Variants in GRM7 observed in about 807,000 individuals in gnomAD.
The protein encoded by GRM7 is metabotropic glutamate receptor 7.
A neutral mutation model predicts 84.5 loss-of-function variants in GRM7; 35 were observed. The ratio of observed to expected loss-of-function variants is 0.41; its 90% CI spans 0.32 to 0.55. GRM7 has a LOEUF of 0.55. Ranked by LOEUF, GRM7 falls within the 20% of genes least tolerant of loss-of-function variation. The probability of loss-of-function intolerance (pLI) is 0.19; values close to 1 mark genes in which losing one functional copy is unlikely to be tolerated. For missense variants in GRM7, 1,003 were observed against 1,194.6 expected (o/e 0.84, Z 2.36); for synonymous variants, 487 against 455.1 (o/e 1.07, Z -0.89).
chr3:6,971,918 A>G (rs1693774133), intron 1 of GRM7, among the ~76,000 whole-genome samples: 1 of 152,200 alleles, frequency 6.6e-6, no homozygotes, highest in South Asian at 2.1e-4. Flanking sequence ...TTAAAAGGTA[A>G]TATTTATTGC....
chr3:7,410,309 G>A lies in GRM7; in HGVS notation c.1034-4714G>A, dbSNP rs182402517. On this transcript the variant is annotated intron_variant, in intron 4 of 9. Coordinates refer to ENST00000357716, the MANE Select transcript of GRM7 (RefSeq NM_000844.4). ...TTTGGGGCTGGGCATGGTGGCTCACGCCTGTAATCCCAACACTTTGGGAGG... is the reference window on the plus strand; with the variant it reads ...TTTGGGGCTGGGCATGGTGGCTCACACCTGTAATCCCAACACTTTGGGAGG... 3.2e-3 allele frequency among the ~76,000 whole-genome samples: 490 copies of A among 152,244 alleles called. 3 individuals are homozygous for A. The highest frequency in any genetic ancestry group is 0.011 in the African/African-American group (442 of 41,540).
At chr3:7,252,290 A>C (rs1374322408) in intron 2 of GRM7, among the ~76,000 whole-genome samples, 1 of 152,082 alleles carries the variant, frequency 6.6e-6, no homozygotes, top group Non-Finnish European at 1.5e-5. Flanking sequence ...GAGGAGGAAA[A>C]GTTTTATTTT....
At chr3:7,148,454 G>C (rs1260604023) in intron 2 of GRM7, among the ~76,000 whole-genome samples, 1 of 152,124 alleles carries the variant, frequency 6.6e-6, no homozygotes, top group Non-Finnish European at 1.5e-5. Flanking sequence ...GAAGAACACT[G>C]CCCATTCTGT....
intron 1 of GRM7, among the ~76,000 whole-genome samples, chr3:7,117,413 G>C (rs1181935177): frequency 6.6e-6 from 1 of 152,072 alleles, no homozygotes; most frequent in Non-Finnish European, 1.5e-5. Flanking sequence ...CTTTCCCTTG[G>C]AACCCATAGA....
intron 4 of GRM7, among the ~76,000 whole-genome samples, chr3:7,351,561 A>G (rs1388555639): frequency 3.9e-5 from 6 of 152,094 alleles, no homozygotes; most frequent in African/African-American, 1.4e-4. Flanking sequence ...AGATTGACTT[A>G]TGAATGAGTG....
At chr3:7,302,815 C>G (rs994072334) in intron 3 of GRM7, among the ~76,000 whole-genome samples, 4 of 149,998 alleles carry the variant, frequency 2.7e-5, no homozygotes, top group Admixed American at 6.7e-5. Flanking sequence ...TCCCATTGCT[C>G]TGTACTTAGG....
At chr3:7,117,446 A>G (rs1442406950) in intron 1 of GRM7, among the ~76,000 whole-genome samples, 1 of 152,142 alleles carries the variant, frequency 6.6e-6, no homozygotes, top group Non-Finnish European at 1.5e-5. Context: ...TATCTCTGAA[A>G]CTGTGGATCA....
chr3:7,607,190 T>G (rs1416190484), intron 8 of GRM7: 1 of 152,198 alleles, frequency 6.6e-6, no homozygotes, highest in East Asian at 1.9e-4. Context: ...CAGAAATAAC[T>G]TCATCCTATT....
intron 8 of GRM7, among the ~76,000 whole-genome samples, chr3:7,655,269 A>G (rs2125118034): frequency 6.6e-6 from 1 of 152,356 alleles, no homozygotes; most frequent in South Asian, 2.1e-4. Flanking sequence ...TTTCTTGCAA[A>G]ATCTTCAAAG....
At chr3:7,682,560 ACACACACACAC>A (rs1016602311) in intron 9 of GRM7, among the ~76,000 whole-genome samples, 7 of 99,456 alleles carry the variant, frequency 7.0e-5, no homozygotes, top group African/African-American at 3.0e-4. Context: ...ACACACACAC[ACACACACACAC>A]ATTTAACTAG....
At chr3:7,005,895 G>A (rs1695166928) in intron 1 of GRM7, among the ~76,000 whole-genome samples, 1 of 152,166 alleles carries the variant, frequency 6.6e-6, no homozygotes. Context: ...AAGGCTCAGT[G>A]TTGAGTCTCA....
rs1461568956 is a variant in GRM7 at position 7,164,368 on chromosome 3, A to G, written c.736+17700A>G. ...AGCGAGGCTCCCTCTCAAAAAAATT[A>G]AAAAACATAAAAATCACAACCTAGA... On this transcript the variant is annotated intron_variant, in intron 2 of 9. Transcript: ENST00000357716. Among the ~76,000 whole-genome samples the G allele has an allele frequency of 2.0e-5, 3 of 152,222 alleles. No homozygotes were observed. In the East Asian group the frequency reaches 5.8e-4, roughly 29 times the overall value.
chr3:7,669,545 AAAG>A (rs1460011979), intron 8 of GRM7, among the ~76,000 whole-genome samples: 4 of 152,202 alleles, frequency 2.6e-5, no homozygotes, highest in Non-Finnish European at 5.9e-5. Flanking sequence ...ACAGAGTTTT[AAAG>A]AAGAAAAGAA....
intron 1 of GRM7, among the ~76,000 whole-genome samples, chr3:6,997,784 A>G (rs1332491874): frequency 3.9e-5 from 6 of 152,158 alleles, no homozygotes; most frequent in African/African-American, 1.4e-4. Context: ...GTTCAAGTCC[A>G]AAGCCTAATC....
chr3:7,338,691 T>A (rs1701521161), intron 4 of GRM7, among the ~76,000 whole-genome samples: 1 of 152,074 alleles, frequency 6.6e-6, no homozygotes, highest in Non-Finnish European at 1.5e-5. Flanking sequence ...TTGAGATCAC[T>A]GGACCACTGG....
intron 7 of GRM7, among the ~76,000 whole-genome samples, chr3:7,560,970 A>G (rs576083225): frequency 1.3e-5 from 2 of 152,288 alleles, no homozygotes; most frequent in African/African-American, 2.4e-5. Flanking sequence ...CACATACTGC[A>G]TAGATGGCAG....
At chr3:7,327,147 C>A (rs1215255353) in intron 4 of GRM7, among the ~76,000 whole-genome samples, 1 of 152,196 alleles carries the variant, frequency 6.6e-6, no homozygotes, top group Admixed American at 6.5e-5. Context: ...TAACACTCAT[C>A]CTGAGCATGC....
chr3:7,692,148 T>G (rs1328471679), intron 9 of GRM7, among the ~76,000 whole-genome samples: 1 of 152,144 alleles, frequency 6.6e-6, no homozygotes, highest in Non-Finnish European at 1.5e-5. Flanking sequence ...TCATTAGTAG[T>G]CTTTTGGCTT....
intron 1 of GRM7, among the ~76,000 whole-genome samples, chr3:7,012,036 GC>G (rs1165991622): frequency 8.3e-6 from 1 of 120,380 alleles, no homozygotes; most frequent in Non-Finnish European, 1.9e-5. Flanking sequence ...ATCAGATTAA[GC>G]CTGCCTCTGA....
Sources: gnomAD v4.1 joint callset for allele counts (sites outside exome capture counted in the v4.1 genomes callset) on GRCh38, gnomAD v4.1.1 for gene constraint, MANE v1.5 for transcripts, NCBI Gene and HGNC (gene_info 2026-07-23, HGNC 2026-07-21) for gene names.